NAALADL2: variants seen among roughly 807,000 people sequenced by gnomAD.
NAALADL2 encodes N-acetylated alpha-linked acidic dipeptidase like 2.
NAALADL2 carries 76 observed loss-of-function variants against 87.2 expected under a neutral mutation model. That is an observed-to-expected ratio of 0.87 (90% CI 0.72 to 1.05). The LOEUF is 1.05. Ranked by LOEUF, NAALADL2 falls within the 50% of genes least tolerant of loss-of-function variation. The pLI is 0.00. For missense variants in NAALADL2, 1,089 were observed against 945.8 expected (o/e 1.15, Z -1.99); for synonymous variants, 354 against 331.0 (o/e 1.07, Z -0.75).
intron 1 of NAALADL2, among the ~76,000 whole-genome samples, chr3:174,953,297 T>TCCTCTCCCCCCCCCCCCCCCCCCC (rs1740651836): frequency 1.7e-5 from 1 of 59,316 alleles, no homozygotes; most frequent in African/African-American, 7.4e-5. Context: ...CTTTCTTGCC[T>TCCTCTCCCCCCCCCCCCCCCCCCC]CCCCTCCCCT....
rs1721320509 is a variant in NAALADL2 at position 175,097,265 on chromosome 3, G to T, written c.519G>T (p.Gln173His). The T allele has an allele frequency of 6.2e-7, 1 of 1,610,786 alleles. No individual in the cohort carries two copies. Among genetic ancestry groups the T allele is most frequent in the South Asian group, 1.1e-5 (1 of 90,754 alleles). Residue 173 changes from glutamine (Q) to histidine (H), a missense_variant, in exon 2 of 14, where the codon CAG becomes CAT. Physicochemically the swap from Gln to His is conservative, Grantham distance 24 (BLOSUM62 0). Coordinates refer to ENST00000454872, the MANE Select transcript of NAALADL2 (RefSeq NM_207015.3). The part of the protein sequence containing the change: ...QLYQEILKTI[Q>H]AEDIKKSFRN... ...ATCAAGAGATTCTCAAGACAATCCA[G>T]GCAGAAGATATTAAGAAGTCTTTCA...
intron 1 of NAALADL2, among the ~76,000 whole-genome samples, chr3:175,062,618 C>T (rs1300217484): frequency 6.6e-6 from 1 of 151,808 alleles, no homozygotes; most frequent in Non-Finnish European, 1.5e-5. Context: ...AATGCTCTTA[C>T]ATTATTTAGG....
intron 1 of NAALADL2, among the ~76,000 whole-genome samples, chr3:175,002,505 T>C (rs766376977): frequency 5.9e-5 from 9 of 152,132 alleles, no homozygotes; most frequent in Admixed American, 5.9e-4. Context: ...ACCGTTGCAG[T>C]GAACCCATGC....
At chr3:174,442,833 A>G (rs1373176479) in intron 1 of NAALADL2, among the ~76,000 whole-genome samples, 1 of 152,204 alleles carries the variant, frequency 6.6e-6, no homozygotes, top group Non-Finnish European at 1.5e-5. Flanking sequence ...ATAGGATTTT[A>G]CCGGAAGTCC....
At chr3:175,061,062 A>G (rs1035403566) in intron 1 of NAALADL2, among the ~76,000 whole-genome samples, 1 of 152,206 alleles carries the variant, frequency 6.6e-6, no homozygotes, top group Non-Finnish European at 1.5e-5. Flanking sequence ...AACAAAAAAA[A>G]TCCTTCAGAG....
chr3:175,356,731 A>G (rs1249332185), intron 5 of NAALADL2, among the ~76,000 whole-genome samples: 1 of 152,058 alleles, frequency 6.6e-6, no homozygotes, highest in African/African-American at 2.4e-5. Context: ...AGAGTGCAAG[A>G]CGAAAGGAAG....
intron 3 of NAALADL2, among the ~76,000 whole-genome samples, chr3:174,781,009 A>C (rs1223035444): frequency 2.0e-5 from 3 of 152,020 alleles, no homozygotes; most frequent in Non-Finnish European, 2.9e-5. Context: ...GCTTGTCTGT[A>C]AAGGATTTTA....
At chr3:174,961,562 T>C (rs955204924) in intron 1 of NAALADL2, among the ~76,000 whole-genome samples, 1 of 151,962 alleles carries the variant, frequency 6.6e-6, no homozygotes, top group African/African-American at 2.4e-5. Flanking sequence ...CTAGAGGAGA[T>C]AGTGTAGATT....
intron 9 of NAALADL2, among the ~76,000 whole-genome samples, chr3:175,514,288 G>A (rs1731553781): frequency 6.6e-6 from 1 of 152,080 alleles, no homozygotes; most frequent in South Asian, 2.1e-4. Context: ...TATGTTGTTA[G>A]ACAATGAATA....
chr3:175,351,264 CAAT>C (rs1214659028), intron 5 of NAALADL2, among the ~76,000 whole-genome samples: 2 of 151,810 alleles, frequency 1.3e-5, no homozygotes, highest in Non-Finnish European at 2.9e-5. Flanking sequence ...GTGCATTTCT[CAAT>C]AAAATAAATA....
chr3:175,448,692 T>A (rs1181106595), intron 6 of NAALADL2, among the ~76,000 whole-genome samples: 1 of 148,068 alleles, frequency 6.8e-6, no homozygotes, highest in Non-Finnish European at 1.5e-5. Context: ...TTTTTTAAAA[T>A]TTTTTTGTGT....
At chr3:175,022,314 G>A (rs1340581505) in intron 1 of NAALADL2, among the ~76,000 whole-genome samples, 4 of 151,960 alleles carry the variant, frequency 2.6e-5, no homozygotes, top group Admixed American at 1.3e-4. Context: ...TAACTATTAC[G>A]GGATATTGCT....
intron 12 of NAALADL2, 65 bp from the exon 13 acceptor site, chr3:175,755,155 G>A: frequency 7.3e-7 from 1 of 1,375,524 alleles, no homozygotes; most frequent in Non-Finnish European, 1.0e-6. Flanking sequence ...ATTCCTGATT[G>A]GAAAATGCTT....
chr3:175,016,489 T>TAAAGGGGTTATCACTGAGGTATTGATA (rs1750836502), intron 1 of NAALADL2, among the ~76,000 whole-genome samples: 1 of 151,400 alleles, frequency 6.6e-6, no homozygotes, highest in Non-Finnish European at 1.5e-5. Context: ...TAACCCCTGC[T>TAAAGGGGTTATCACTGAGGTATTGATA]AAAGGGGTTA....
intron 4 of NAALADL2, among the ~76,000 whole-genome samples, chr3:175,281,241 C>A (rs974322487): frequency 9.2e-5 from 14 of 151,626 alleles, no homozygotes; most frequent in Non-Finnish European, 3.0e-5. Context: ...GCTTTATAAA[C>A]CAATTTTAAA....
chr3:175,581,804 G>C (rs1016454381), intron 10 of NAALADL2, among the ~76,000 whole-genome samples: 2 of 152,138 alleles, frequency 1.3e-5, no homozygotes, highest in African/African-American at 4.8e-5. Flanking sequence ...TTAGAGGAAT[G>C]CTTATTTGAG....
intron 9 of NAALADL2, among the ~76,000 whole-genome samples, chr3:175,510,117 G>A (rs764458969): frequency 3.4e-5 from 5 of 146,220 alleles, no homozygotes; most frequent in Non-Finnish European, 4.5e-5. Flanking sequence ...TTTTTTTCTT[G>A]CGATAGTTTA....
chr3:174,629,962 A>G (rs891000396), intron 2 of NAALADL2, among the ~76,000 whole-genome samples: 12 of 152,162 alleles, frequency 7.9e-5, no homozygotes, highest in Admixed American at 2.0e-4. Flanking sequence ...GCATAAAGAA[A>G]TTTGGTTGAT....
intron 10 of NAALADL2, among the ~76,000 whole-genome samples, chr3:175,625,748 G>T (rs1300809661): frequency 1.3e-5 from 2 of 151,906 alleles, no homozygotes; most frequent in Non-Finnish European, 2.9e-5. Context: ...ATGATCTTGG[G>T]CTAGCGCTGG....
Sources: allele counts gnomAD v4.1 joint callset (sites outside exome capture counted in the v4.1 genomes callset), GRCh38; gene constraint gnomAD v4.1.1; transcripts MANE v1.5; gene names NCBI Gene and HGNC (gene_info 2026-07-23, HGNC 2026-07-21).